OR1F1: variants seen among roughly 807,000 people sequenced by gnomAD.
OR1F1 encodes olfactory receptor 1F1.
For missense variants in OR1F1, 493 were observed against 376.3 expected, an observed-to-expected ratio of 1.31 and a Z score of -2.57; for synonymous variants, 184 against 156.7, an observed-to-expected ratio of 1.17 and a Z score of -1.30.
At chr16:3,204,228 T>C, upstream of OR1F1, 4 of 1,556,936 alleles carry the variant, frequency 2.6e-6, no homozygotes, top group Non-Finnish European at 3.5e-6. Flanking sequence ...TCTGCCTCTG[T>C]GTCCAGGATC....
chr16:3,198,067 AGGAGAGGGAGAGGGAGAAGGAGAG>A, the OR1F1 span, among the ~76,000 whole-genome samples: 6 of 87,906 alleles, frequency 6.8e-5, no homozygotes, highest in Non-Finnish European at 6.7e-5. Context: ...GAGAGGGAGA[AGGAGAGGGAGAGGGAGAAGGAGAG>A]GGAGAGGGAG....
At chr16:3,199,240 C>G in the OR1F1 span, among the ~76,000 whole-genome samples, 246 of 150,146 alleles carry the variant, frequency 1.6e-3, no homozygotes, top group African/African-American at 5.9e-3. Context: ...AAGGTTGAGA[C>G]TTCAGTGAGC....
chr16:3,204,207 C>G, upstream of OR1F1: 3 of 1,473,512 alleles, frequency 2.0e-6, no homozygotes, highest in Non-Finnish European at 2.8e-6. Flanking sequence ...TTTTGCATTT[C>G]GTCTTCTTTG....
chr16:3,190,862 C>G, the OR1F1 span, among the ~76,000 whole-genome samples: 1 of 151,814 alleles, frequency 6.6e-6, no homozygotes, highest in Non-Finnish European at 1.5e-5. Flanking sequence ...ATTGGGAAGT[C>G]TGTAATACAA....
chr16:3,192,039 G>A, the OR1F1 span, among the ~76,000 whole-genome samples: 87 of 152,068 alleles, frequency 5.7e-4, no homozygotes, highest in African/African-American at 2.1e-3. Context: ...AGAGGTCCCG[G>A]GTTCAAATCC....
chr16:3,202,807 T>G (rs1958150197), upstream of OR1F1, among the ~76,000 whole-genome samples: 1 of 152,068 alleles, frequency 6.6e-6, no homozygotes, highest in South Asian at 2.1e-4. Flanking sequence ...TTACCTAGTT[T>G]AGTTATTACA....
chr16:3,204,804 A>G (rs531854244), exon 1 of OR1F1: 66 of 1,612,312 alleles, frequency 4.1e-5, no homozygotes, highest in Non-Finnish European at 5.3e-5. Context: ...CCCTACTGAA[A>G]CTCTCCTGCT....
the OR1F1 span, chr16:3,189,869 C>T: frequency 6.6e-6 from 1 of 152,218 alleles, no homozygotes; most frequent in Non-Finnish European, 1.5e-5. Flanking sequence ...TAAAATTCAT[C>T]TAGAGTCCTG....
chr16:3,205,200 C>CTGAA (rs1262332566), downstream of OR1F1: 1 of 1,563,458 alleles, frequency 6.4e-7, no homozygotes. Flanking sequence ...ATAATCAAGA[C>CTGAA]TGAATCTCAT....
chr16:3,198,588 A>G, the OR1F1 span, among the ~76,000 whole-genome samples: 2 of 152,190 alleles, frequency 1.3e-5, no homozygotes, highest in Admixed American at 1.3e-4. Flanking sequence ...AGCTGGCAGG[A>G]GATGAAACAA....
chr16:3,191,076 G>C, the OR1F1 span, among the ~76,000 whole-genome samples: 1 of 152,178 alleles, frequency 6.6e-6, no homozygotes, highest in Non-Finnish European at 1.5e-5. Flanking sequence ...TGAGCTCCCA[G>C]TGAGCTTCAG....
At chr16:3,206,249 C>G (rs563701155), downstream of OR1F1, among the ~76,000 whole-genome samples, 14 of 152,294 alleles carry the variant, frequency 9.2e-5, 1 homozygote, top group East Asian at 2.7e-3. Context: ...TAAGGTCAGA[C>G]AGATTCTCTG....
chr16:3,203,577 A>G (rs143812814), upstream of OR1F1, among the ~76,000 whole-genome samples: 561 of 152,286 alleles, frequency 3.7e-3, 6 homozygotes, highest in African/African-American at 0.012. Flanking sequence ...CATCATGGCC[A>G]ACATGGTGAA....
the OR1F1 span, among the ~76,000 whole-genome samples, chr16:3,199,041 G>C: frequency 2.1e-5 from 3 of 145,260 alleles, no homozygotes; most frequent in African/African-American, 7.8e-5. Context: ...CACTTTGAGA[G>C]GCCAGGGCAG....
upstream of OR1F1, among the ~76,000 whole-genome samples, chr16:3,203,550 G>A (rs1229557868): frequency 2.0e-5 from 3 of 152,192 alleles, no homozygotes; most frequent in South Asian, 6.2e-4. Context: ...CGGATCACGA[G>A]GTCAAGAGAT....
chr16:3,193,911 G>C, the OR1F1 span, among the ~76,000 whole-genome samples: 1 of 152,152 alleles, frequency 6.6e-6, no homozygotes, highest in African/African-American at 2.4e-5. Flanking sequence ...TAGGGCACGT[G>C]GTAACTGCCC....
chr16:3,204,452 T>C (rs1178581050), exon 1 of OR1F1: 2 of 1,614,040 alleles, frequency 1.2e-6, no homozygotes, highest in Admixed American at 3.3e-5. Context: ...CTGTCTTTTG[T>C]GGACATCTGC....
At chr16:3,195,389 C>T in the OR1F1 span, among the ~76,000 whole-genome samples, 4 of 151,402 alleles carry the variant, frequency 2.6e-5, no homozygotes, top group Non-Finnish European at 5.9e-5. Flanking sequence ...GCTTCAAATG[C>T]GGGCGTCCAT....
chr16:3,189,479 GC>G, the OR1F1 span, among the ~76,000 whole-genome samples: 1 of 152,236 alleles, frequency 6.6e-6, no homozygotes. Context: ...AGGGGCCGGG[GC>G]TCTGGGCTTC....
Sources: allele counts gnomAD v4.1 joint callset (sites outside exome capture counted in the v4.1 genomes callset), GRCh38; gene constraint gnomAD v4.1.1; transcripts MANE v1.5; gene names NCBI Gene and HGNC (gene_info 2026-07-23, HGNC 2026-07-21).